Variants in WASHC4 observed in about 807,000 individuals in gnomAD.
The protein encoded by WASHC4 is WASH complex subunit 7.
Under a neutral mutation model 166.6 loss-of-function variants are expected in WASHC4, and 86 were observed. The ratio of observed to expected loss-of-function variants is 0.52; its 90% confidence interval spans 0.43 to 0.62. The LOEUF (loss-of-function observed/expected upper bound fraction) is 0.62, where lower values mean the gene tolerates loss of function less well. Among genes scored for constraint, WASHC4 ranks in the 20% least tolerant of loss-of-function variants. The pLI is 0.00. For missense variants in WASHC4, 1,262 were observed against 1,382.4 expected, an observed-to-expected ratio of 0.91 and a Z score of 1.38; for synonymous variants, 446 against 451.6, an observed-to-expected ratio of 0.99 and a Z score of 0.16.
intron 14 of WASHC4, among the ~76,000 whole-genome samples, chr12:105,135,754 G>GTGT (rs1882262119): frequency 6.6e-6 from 1 of 151,692 alleles, no homozygotes; most frequent in African/African-American, 2.4e-5. Context: ...CTTTTTTATA[G>GTGT]TTTACAGTTC....
In WASHC4 at chr12:105,142,475, T is replaced by C. The variant is rs1413118060; in HGVS notation, c.1810T>C (p.Cys604Arg). 6.2e-7 allele frequency: 1 copy of C among 1,608,928 alleles called. No homozygotes were observed. The highest frequency in any genetic ancestry group is 1.3e-5 in the African/African-American group (1 of 74,842). Residue 604 changes from cysteine (C) to arginine (R), a missense_variant, in exon 19 of 33, where the codon TGT becomes CGT. By Grantham distance (180) the Cys-to-Arg change is radical. Coordinates refer to ENST00000332180, the MANE Select transcript of WASHC4 (RefSeq NM_015275.3). The part of the protein sequence containing the change: ...RERVQTQCDC[C>R]FLYWHRAVFP... ...TAGAGTCCAAACACAATGTGACTGT[T>C]GTTTTTTATACTGGCATCGAGCTGT...
rs144299138 is a variant in WASHC4, at chr12:105,142,073, A to G, written c.1788-380A>G. 4.9e-3 allele frequency among the ~76,000 whole-genome samples: 745 copies of G among 151,732 alleles called. 2 individuals are homozygous for G. The highest frequency in any genetic ancestry group is 0.017 in the African/African-American group (690 of 41,378). On this transcript the variant is annotated intron_variant, in intron 18 of 32. Transcript: ENST00000332180. ...AACTTAGAGTCAGGGAAAATGGAGCATGTGATGCAAGTATTTAAGTCTAGT... is the reference window on the plus strand; with the variant it reads ...AACTTAGAGTCAGGGAAAATGGAGCGTGTGATGCAAGTATTTAAGTCTAGT...
intron 31 of WASHC4, 49 bp from the exon 32 acceptor site, chr12:105,164,592 C>T: frequency 7.7e-7 from 1 of 1,296,992 alleles, no homozygotes; most frequent in Non-Finnish European, 1.1e-6. Flanking sequence ...TGGTATTTTG[C>T]CATAATAAGT....
intron 14 of WASHC4, 72 bp from the exon 15 acceptor site, chr12:105,137,814 T>C: frequency 7.8e-7 from 1 of 1,286,304 alleles, no homozygotes; most frequent in East Asian, 2.4e-5. Flanking sequence ...GAGGAATAGC[T>C]GCTGTTAAAT....
chr12:105,165,053 A>G (rs1234824596), intron 32 of WASHC4, among the ~76,000 whole-genome samples: 2 of 152,228 alleles, frequency 1.3e-5, no homozygotes, highest in Non-Finnish European at 2.9e-5. Context: ...ATTTGAAGGA[A>G]CAAATAGAGG....
chr12:105,142,024 T>C (rs961366764), intron 18 of WASHC4, among the ~76,000 whole-genome samples: 15 of 150,430 alleles, frequency 1.0e-4, no homozygotes, highest in African/African-American at 3.6e-4. Context: ...CACAATTTTT[T>C]TTTTTTAAAA....
chr12:105,108,173 G>T (rs1879269004), intron 1 of WASHC4, among the ~76,000 whole-genome samples: 1 of 152,196 alleles, frequency 6.6e-6, no homozygotes, highest in Non-Finnish European at 1.5e-5. Flanking sequence ...GCGCGCCCGG[G>T]AGGCCCAGCG....
At chr12:105,147,317 G>T (rs565036097) in intron 24 of WASHC4, 171 bp downstream of exon 24, 3 of 614,394 alleles carry the variant, frequency 4.9e-6, no homozygotes, top group Non-Finnish European at 8.7e-6. Flanking sequence ...AATTGTGTTG[G>T]ATGTGATGGG....
At chr12:105,165,532 T>G (rs1359424261) in intron 32 of WASHC4, among the ~76,000 whole-genome samples, 1 of 152,212 alleles carries the variant, frequency 6.6e-6, no homozygotes, top group Non-Finnish European at 1.5e-5. Context: ...ATAATTTTCA[T>G]GTTTACTAGT....
At chr12:105,134,034 T>G in intron 14 of WASHC4, 138 bp downstream of exon 14, 1 of 745,206 alleles carries the variant, frequency 1.3e-6, no homozygotes, top group Non-Finnish European at 2.2e-6. Flanking sequence ...GGGATCTGTG[T>G]GACTTATTAA....
At chr12:105,127,425 A>C (rs1428100345) in intron 13 of WASHC4, 136 bp downstream of exon 13, 1 of 689,168 alleles carries the variant, frequency 1.5e-6, no homozygotes. Context: ...GGCAATCTCC[A>C]GGAGATTTGT....
chr12:105,115,141 A>G (rs1227772208), intron 4 of WASHC4, 43 bp from the exon 5 acceptor site: 1 of 1,102,872 alleles, frequency 9.1e-7, no homozygotes, highest in Non-Finnish European at 1.4e-6. Context: ...ATTTGGAAAC[A>G]AAACAACCTT....
At chr12:105,159,914 T>C in intron 28 of WASHC4, 87 bp from the exon 29 acceptor site, 2 of 1,197,838 alleles carry the variant, frequency 1.7e-6, no homozygotes, top group African/African-American at 1.5e-5. Context: ...GCTTTTCAAG[T>C]GTTCTTATCT....
chr12:105,143,095 TA>T, intron 19 of WASHC4, 31 bp from the exon 20 acceptor site: 2 of 1,399,850 alleles, frequency 1.4e-6, no homozygotes, highest in Non-Finnish European at 2.0e-6. Context: ...CTGGTTTTTC[TA>T]AATTCATGTA....
rs1663564 is a variant in WASHC4 at position 105,152,394 on chromosome 12, G to A, written c.2701G>A (p.Val901Ile). The A allele has an allele frequency of 0.93, 1,486,296 of 1,605,984 alleles. 688,673 individuals are homozygous for A. The highest frequency in any genetic ancestry group is 1 in the East Asian group (44,786 of 44,794). The stretch of plus-strand genomic sequence containing the variant: ...CAATCGAGGCATCAGAAAACTTGGA[G>A]TAACACCTGAGGGACAGAGCTACCT... ...KFNRGIRKLG[V>I]TPEGQSYLDQ... Residue 901 changes from valine (V) to isoleucine (I), a missense_variant, in exon 26 of 33, where the codon GTA becomes ATA. Physicochemically the swap from Val to Ile is conservative, Grantham distance 29. Coordinates refer to ENST00000332180, the MANE Select transcript of WASHC4 (RefSeq NM_015275.3).
intron 25 of WASHC4, among the ~76,000 whole-genome samples, chr12:105,150,673 G>A (rs1211950528): frequency 1.3e-5 from 2 of 152,158 alleles, no homozygotes; most frequent in East Asian, 3.9e-4. Flanking sequence ...AGTCTCAGAT[G>A]CTCAGGAGGC....
chr12:105,145,852 T>C (rs777425646), intron 22 of WASHC4, among the ~76,000 whole-genome samples: 76 of 152,098 alleles, frequency 5.0e-4, no homozygotes, highest in Non-Finnish European at 8.8e-4. Flanking sequence ...ATAGAAAACT[T>C]GTACTATTTA....
intron 28 of WASHC4, among the ~76,000 whole-genome samples, chr12:105,157,865 T>C (rs758757013): frequency 1.5e-5 from 2 of 137,882 alleles, no homozygotes; most frequent in African/African-American, 2.8e-5. Flanking sequence ...GTCTGTCTTA[T>C]TGAACAGTGC....
intron 6 of WASHC4, among the ~76,000 whole-genome samples, 160 bp from the exon 7 acceptor site, chr12:105,118,286 G>C (rs1036100331): frequency 1.3e-5 from 2 of 152,198 alleles, no homozygotes; most frequent in South Asian, 4.1e-4. Context: ...GTTAAGTATT[G>C]ATTGCTTGAG....
Sources: allele counts gnomAD v4.1 joint callset (sites outside exome capture counted in the v4.1 genomes callset), GRCh38; gene constraint gnomAD v4.1.1; transcripts MANE v1.5; gene names NCBI Gene and HGNC (gene_info 2026-07-23, HGNC 2026-07-21).